Variants in CFAP92 observed in about 807,000 individuals in gnomAD.
The protein encoded by CFAP92 is uncharacterized protein CFAP92.
CFAP92 carries 86 observed loss-of-function variants against 106.3 expected under a neutral mutation model. The observed-to-expected ratio is 0.81, with a 90% CI of 0.68 to 0.97. The LOEUF (loss-of-function observed/expected upper bound fraction) is 0.97, where lower values mean the gene tolerates loss of function less well. Ranked by LOEUF, CFAP92 falls within the 50% of genes least tolerant of loss-of-function variation. The pLI is 0.00. For synonymous variants in CFAP92, 477 were observed against 506.4 expected, an observed-to-expected ratio of 0.94 and a Z score of 0.78; for missense variants, 1,204 against 1,283.8, an observed-to-expected ratio of 0.94 and a Z score of 0.95.
intron 15 of CFAP92, chr3:128,910,789 T>C: frequency 1.9e-6 from 3 of 1,614,204 alleles, no homozygotes; most frequent in South Asian, 1.1e-5. Flanking sequence ...GCAGAATCTC[T>C]TCAGCCTCTC....
chr3:128,993,490 C>G lies in CFAP92; in HGVS notation c.-32-154G>C, dbSNP rs1305080153. 4.3e-6 allele frequency: 3 copies of G among 694,514 alleles called. No individual in the cohort carries two copies. The East Asian group carries it at 8.2e-5, about 19-fold the overall frequency. The allele number at this position is 694,514 out of a possible 1,614,324, so 43.0% of individuals were successfully genotyped here. Reference sequence around the variant, plus strand: ...CGGGGCTCCTTCACTGCCTGCCACACAGTCGGTACTCAATCGACTTAGAGA... The same window carrying G: ...CGGGGCTCCTTCACTGCCTGCCACAGAGTCGGTACTCAATCGACTTAGAGA... On this transcript the variant is annotated intron_variant, in intron 1 of 15. Coordinates refer to ENST00000645291, the MANE Select transcript of CFAP92 (RefSeq NM_001394090.1).
chr3:129,001,925 A>C (rs779914968), intron 1 of CFAP92: 110 of 1,539,892 alleles, frequency 7.1e-5, no homozygotes, highest in Non-Finnish European at 9.5e-5. Flanking sequence ...CCGGGCAGGC[A>C]GCAGGTGACG....
chr3:128,924,587 G>C (rs1161321448), intron 12 of CFAP92, among the ~76,000 whole-genome samples: 1 of 150,902 alleles, frequency 6.6e-6, no homozygotes, highest in South Asian at 2.1e-4. Flanking sequence ...TGGGATTACA[G>C]TCATGTACCA....
chr3:128,934,966 A>G (rs1178900118), intron 11 of CFAP92, among the ~76,000 whole-genome samples, 159 bp downstream of exon 11: 2 of 152,194 alleles, frequency 1.3e-5, no homozygotes, highest in African/African-American at 2.4e-5. Context: ...TAGACGCCAC[A>G]GAGTCACAGC....
intron 9 of CFAP92, among the ~76,000 whole-genome samples, chr3:128,946,646 A>C (rs1940247838): frequency 6.6e-6 from 1 of 152,214 alleles, no homozygotes; most frequent in South Asian, 2.1e-4. Context: ...GAAGCTGAGA[A>C]TTTATTCTAA....
chr3:129,011,737 A>G, the CFAP92 span, among the ~76,000 whole-genome samples: 1 of 151,862 alleles, frequency 6.6e-6, no homozygotes. Flanking sequence ...CCCTCATTCA[A>G]ATACATGCCC....
At position 128,978,048 on chromosome 3, in the gene CFAP92, GCAAAGA is replaced by G. The variant is rs757925193; in HGVS notation, c.799_804del (p.Ser267_Leu268del). On this transcript the variant is annotated inframe_deletion, in exon 5 of 16. Transcript: ENST00000645291. ...CACAAAGGCCTTCTCCGCTCACCTT[GCAAAGA>G]CTTTGGGTGTTTTTCTGTTTTTTCT... is the stretch of plus-strand genomic sequence containing the variant. 1 of 1,613,822 alleles carries G rather than the reference GCAAAGA, an allele frequency of 6.2e-7. No homozygotes were observed. The highest frequency in any genetic ancestry group is 2.2e-5 in the East Asian group (1 of 44,900).
intron 3 of CFAP92, 33 bp from the exon 4 acceptor site, chr3:128,987,862 G>T: frequency 6.4e-7 from 1 of 1,553,768 alleles, no homozygotes; most frequent in East Asian, 2.4e-5. Flanking sequence ...ATGTCAACTG[G>T]GGAAAGATGT....
At chr3:128,971,222 C>T (rs1159389781) in intron 8 of CFAP92, 65 bp downstream of exon 8, 39 of 1,609,830 alleles carry the variant, frequency 2.4e-5, no homozygotes, top group East Asian at 8.9e-5. Context: ...TAGGAGCATC[C>T]GCTTATGGCC....
At chr3:129,020,554 T>C in the CFAP92 span, among the ~76,000 whole-genome samples, 1 of 152,180 alleles carries the variant, frequency 6.6e-6, no homozygotes, top group Non-Finnish European at 1.5e-5. Flanking sequence ...GGAGGATCAC[T>C]TGAGCCTGGG....
intron 9 of CFAP92, among the ~76,000 whole-genome samples, chr3:128,951,222 G>A (rs866987136): frequency 8.0e-5 from 12 of 150,050 alleles, no homozygotes; most frequent in African/African-American, 2.2e-4. Flanking sequence ...GTGACAGAGC[G>A]AGACTCCATC....
the CFAP92 span, among the ~76,000 whole-genome samples, chr3:129,007,972 A>G: frequency 6.3e-4 from 96 of 152,302 alleles, no homozygotes; most frequent in Non-Finnish European, 1.1e-3. Context: ...CTTTGTCATG[A>G]TGAGGCATTC....
chr3:128,932,834 C>A lies in CFAP92; in HGVS notation c.2617G>T (p.Ala873Ser). 1 of 1,536,202 alleles carries A rather than the reference C, an allele frequency of 6.5e-7. No homozygotes were observed. Among genetic ancestry groups the A allele is most frequent in the East Asian group, 2.4e-5 (1 of 40,918 alleles). ...EKLFALPPQP[A>S]PNLEDYHSRN... ...CTGTGGTAGTCCTCAAGATTGGGGG[C>A]AGGCTGAGGTGGTAGGGCAAACAGT... Residue 873 changes from alanine (A) to serine (S), a missense_variant, in exon 12 of 16, where the codon GCC becomes TCC. Physicochemically the swap from Ala to Ser is moderately conservative, Grantham distance 99. Coordinates refer to ENST00000645291, the MANE Select transcript of CFAP92 (RefSeq NM_001394090.1).
intron 12 of CFAP92, among the ~76,000 whole-genome samples, chr3:128,920,142 G>T (rs1937148035): frequency 6.6e-6 from 1 of 152,240 alleles, no homozygotes; most frequent in South Asian, 2.1e-4. Flanking sequence ...GGTGGCTCAT[G>T]CCTGTAATCA....
At chr3:128,932,596 G>A in intron 12 of CFAP92, 104 bp downstream of exon 12, 1 of 1,184,350 alleles carries the variant, frequency 8.4e-7, no homozygotes, top group Middle Eastern at 2.9e-4. Flanking sequence ...GGCACGACCA[G>A]AGGCAAATGT....
rs114706578 is a variant in CFAP92 at position 128,931,036 on chromosome 3, G to A, written c.2751+1664C>T. On this transcript the variant is annotated intron_variant, in intron 12 of 15. Coordinates refer to ENST00000645291, the MANE Select transcript of CFAP92 (RefSeq NM_001394090.1). ...TTCTCCTGCTTCAGCCTCCCAAGTA[G>A]ATGAGATTACAAGTGTGCACCACGA... Among the ~76,000 whole-genome samples the A allele has an allele frequency of 9.5e-3, 1,453 of 152,204 alleles. 15 individuals carry two copies. The highest frequency in any genetic ancestry group is 0.033 in the African/African-American group (1,386 of 41,530).
chr3:128,971,420 A>C lies in CFAP92; in HGVS notation c.1035T>G (p.Asp345Glu), dbSNP rs1335042213. ...TCTGGATTTTCCTTCTTCCCTCTGA[A>C]TCTTTCCCTTTAACTGTGAAATCAA... Reference protein sequence around the residue: ...DRQRSQIKGKDSEGRRKIQRR... With the variant: ...DRQRSQIKGKESEGRRKIQRR... Residue 345 changes from aspartate (D) to glutamate (E), a missense_variant, in exon 8 of 16, where the codon GAT (aspartate) becomes GAG (glutamate). Physicochemically the swap from Asp to Glu is conservative, Grantham distance 45. Coordinates refer to ENST00000645291, the MANE Select transcript of CFAP92 (RefSeq NM_001394090.1). 1 of 1,608,524 alleles carries C rather than the reference A, an allele frequency of 6.2e-7. No homozygotes were observed. The highest frequency in any genetic ancestry group is 1.7e-5 in the Admixed American group (1 of 58,892).
upstream of CFAP92, chr3:129,003,791 C>T: frequency 1.4e-6 from 2 of 1,447,548 alleles, no homozygotes; most frequent in Non-Finnish European, 1.8e-6. Flanking sequence ...CCTGTCCCCG[C>T]AGGTCGGACT....
At chr3:128,977,339 T>C (rs930533848) in intron 5 of CFAP92, among the ~76,000 whole-genome samples, 3 of 152,096 alleles carry the variant, frequency 2.0e-5, no homozygotes, top group African/African-American at 7.2e-5. Flanking sequence ...AAATTGTCCA[T>C]TTCAGTCCTG....
Sources: gnomAD v4.1 joint callset for allele counts (sites outside exome capture counted in the v4.1 genomes callset) on GRCh38, gnomAD v4.1.1 for gene constraint, MANE v1.5 for transcripts, NCBI Gene and HGNC (gene_info 2026-07-23, HGNC 2026-07-21) for gene names.